The following COL6A6 variants were observed in gnomAD, a reference collection of about 807,000 sequenced individuals.
COL6A6 encodes the protein collagen type VI alpha 6 chain.
COL6A6 carries 183 observed loss-of-function variants against 208.6 expected under a neutral mutation model. The observed-to-expected ratio is 0.88, with a 90% CI of 0.78 to 0.99. COL6A6 has a LOEUF of 0.99. COL6A6 is among the 50% of genes least tolerant of loss of function. COL6A6 has a pLI of 0.00. For synonymous variants in COL6A6, 973 were observed against 1,011.8 expected (o/e 0.96, Z 0.73); for missense variants, 2,816 against 2,815.2 (o/e 1.00, Z -0.01).
At chr3:130,656,472 CCTT>C (rs914348574) in intron 33 of COL6A6, among the ~76,000 whole-genome samples, 10 of 152,122 alleles carry the variant, frequency 6.6e-5, no homozygotes, top group African/African-American at 2.4e-4. Flanking sequence ...CTGGTGGCCT[CCTT>C]GAGTCTGTCC....
At chr3:130,540,513 T>C (rs557498170) in intron 1 of COL6A6, among the ~76,000 whole-genome samples, 24 of 152,346 alleles carry the variant, frequency 1.6e-4, no homozygotes, top group African/African-American at 5.3e-4. Flanking sequence ...AAAAATTTAA[T>C]TAAGCTCCAG....
intron 24 of COL6A6, among the ~76,000 whole-genome samples, chr3:130,622,117 G>A (rs1344295884): frequency 6.6e-6 from 1 of 152,082 alleles, no homozygotes; most frequent in East Asian, 1.9e-4. Context: ...CCCTATTGGA[G>A]CTGAGGGATC....
chr3:130,593,641 G>GT (rs2108088890), intron 17 of COL6A6, among the ~76,000 whole-genome samples: 1 of 152,308 alleles, frequency 6.6e-6, no homozygotes, highest in East Asian at 1.9e-4. Flanking sequence ...ATCTCTTTCT[G>GT]TTGGCCAAAT....
At chr3:130,518,425 TA>T (rs1710867173) in intron 1 of COL6A6, among the ~76,000 whole-genome samples, 1 of 152,262 alleles carries the variant, frequency 6.6e-6, no homozygotes, top group Admixed American at 6.5e-5. Context: ...GTCACTTACA[TA>T]AAAATCCTGA....
At chr3:130,618,712 C>T (rs2064611830) in intron 23 of COL6A6, among the ~76,000 whole-genome samples, 1 of 152,194 alleles carries the variant, frequency 6.6e-6, no homozygotes, top group Non-Finnish European at 1.5e-5. Flanking sequence ...TTGCAAGATC[C>T]TGCATGGGAA....
At position 130,649,253 on chromosome 3, in the gene COL6A6, C is replaced by A. The variant is rs1013008709; in HGVS notation, c.5424C>A (p.His1808Gln). 6.3e-7 allele frequency: 1 copy of A among 1,596,890 alleles called. No individual in the cohort carries two copies. The highest frequency in any genetic ancestry group is 1.1e-5 in the South Asian group (1 of 87,862). ...TCGCCATCCTCTCCTATAACTCCCA[C>A]GCCAGGCACCTTGTGCGCTTCTCAG... is the stretch of plus-strand genomic sequence containing the variant. ...AHIAILSYNS[H>Q]ARHLVRFSDA... The change falls in exon 33 of 37, where the codon CAC (histidine) becomes CAA (glutamine). Residue 1808 changes from histidine (H) to glutamine (Q), a missense_variant. Transcript: ENST00000358511.
chr3:130,589,136 T>C lies in COL6A6; in HGVS notation c.4172T>C (p.Ile1391Thr), dbSNP rs927569747. Residue 1391 changes from isoleucine (I) to threonine (T), a missense_variant, in exon 12 of 37, where the codon ATT becomes ACT. Coordinates refer to ENST00000358511, the MANE Select transcript of COL6A6 (RefSeq NM_001102608.3). ...RTCCCLFCKCIGGDGTMGDPG... is the reference protein window; with the variant it reads ...RTCCCLFCKCTGGDGTMGDPG... Reference sequence around the variant, plus strand: ...TGCTGCTGTTTGTTCTGCAAGTGCATTGGAGGAGATGGCACAATGGGAGAT... The same window carrying C: ...TGCTGCTGTTTGTTCTGCAAGTGCACTGGAGGAGATGGCACAATGGGAGAT... 4.3e-6 allele frequency: 7 copies of C among 1,613,876 alleles called. No homozygotes were observed. In the Admixed American group the frequency reaches 5.0e-5, roughly 12 times the overall value.
At position 130,581,916 on chromosome 3, in the gene COL6A6, TTA is replaced by T. The variant is rs2063433233; in HGVS notation, c.3891+14_3891+15del. 1.2e-6 allele frequency: 2 copies of T among 1,600,136 alleles called. No individual in the cohort carries two copies. Among genetic ancestry groups the T allele is most frequent in the Non-Finnish European group, 1.7e-6 (2 of 1,170,676 alleles). On this transcript the variant is annotated intron_variant, in intron 9 of 36. Coordinates refer to ENST00000358511, the MANE Select transcript of COL6A6 (RefSeq NM_001102608.3). ...CTGCTCGAGGAAAGGTAACATGGAT[TTA>T]TCTTATTTGTTGGTCTATGATTGCA...
At position 130,560,399 on chromosome 3, in the gene COL6A6, G is replaced by T. The variant is rs775810205; in HGVS notation, c.35G>T (p.Cys12Phe). The change falls in exon 2 of 37, where the codon TGT becomes TTT. Residue 12 changes from cysteine (C) to phenylalanine (F), a missense_variant. Physicochemically the swap from Cys to Phe is radical, Grantham distance 205 (BLOSUM62 -2). Coordinates refer to ENST00000358511, the MANE Select transcript of COL6A6 (RefSeq NM_001102608.3). The stretch of plus-strand genomic sequence containing the variant: ...CTAATTTTGTTCCTCGTGATAATTT[G>T]TTCCCATATTTCTGTGAACCAAGAT... ...MLLILFLVIICSHISVNQDSG... is the reference protein window; with the variant it reads ...MLLILFLVIIFSHISVNQDSG... The T allele has an allele frequency of 6.2e-7, 1 of 1,611,646 alleles. No homozygotes were observed. Among genetic ancestry groups the T allele is most frequent in the South Asian group, 1.1e-5 (1 of 90,336 alleles).
chr3:130,552,772 T>C (rs1166078658), intron 1 of COL6A6, among the ~76,000 whole-genome samples: 1 of 152,176 alleles, frequency 6.6e-6, no homozygotes, highest in Non-Finnish European at 1.5e-5. Flanking sequence ...TGTGTTTTTG[T>C]GGTAGCCAGT....
At chr3:130,571,527 A>G (rs1251947850) in intron 7 of COL6A6, 134 bp downstream of exon 7, 6 of 616,510 alleles carry the variant, frequency 9.7e-6, no homozygotes, top group Admixed American at 7.1e-5. Flanking sequence ...AGGACTTTCT[A>G]TATTATAAAA....
In COL6A6 at chr3:130,675,293, G is replaced by C. The variant is rs57569308; in HGVS notation, c.6688G>C (p.Ala2230Pro). 6 of 1,591,068 alleles carry C rather than the reference G, an allele frequency of 3.8e-6. No homozygotes were observed. Among genetic ancestry groups the C allele is most frequent in the Middle Eastern group, 3.3e-4 (2 of 6,028 alleles). ...FQDKKYLSRVARSGRDDAIQN... is the reference protein window; with the variant it reads ...FQDKKYLSRVPRSGRDDAIQN... ...AGATAAAAAATATCTTTCAAGAGTA[G>C]CAAGAAGTGGCAGAGATGATGCTAT... The change falls in exon 37 of 37, where the codon GCA becomes CCA. Residue 2230 changes from alanine to proline, a missense_variant. Physicochemically the swap from Ala to Pro is conservative, Grantham distance 27 (BLOSUM62 -1). Transcript: ENST00000358511.
At chr3:130,613,843 A>G (rs971047064) in intron 23 of COL6A6, among the ~76,000 whole-genome samples, 1 of 152,090 alleles carries the variant, frequency 6.6e-6, no homozygotes, top group African/African-American at 2.4e-5. Context: ...TAGGAATGCT[A>G]CTGATTTTTG....
At chr3:130,608,790 T>TG (rs2064264759) in intron 21 of COL6A6, 112 bp from the exon 22 acceptor site, 1 of 194,976 alleles carries the variant, frequency 5.1e-6, no homozygotes, top group Non-Finnish European at 1.1e-5. Context: ...TTTTTTTTTT[T>TG]GCAAAGATCC....
chr3:130,563,400 C>T lies in COL6A6; in HGVS notation c.397C>T (p.Pro133Ser), dbSNP rs771838353. The stretch of plus-strand genomic sequence containing the variant: ...TGGGAGAGACAAGAAACAGTTTCCC[C>T]CAATTCTAGTGGTCCTGGCTTCATC... ...ANGRDKKQFPPILVVLASSES... is the reference protein window; with the variant it reads ...ANGRDKKQFPSILVVLASSES... The change falls in exon 3 of 37, where the codon CCA becomes TCA. Residue 133 changes from proline to serine, a missense_variant. Physicochemically the swap from Pro to Ser is moderately conservative, Grantham distance 74. Coordinates refer to ENST00000358511, the MANE Select transcript of COL6A6 (RefSeq NM_001102608.3). 6.2e-7 allele frequency: 1 copy of T among 1,613,988 alleles called. No homozygotes were observed. The highest frequency in any genetic ancestry group is 8.5e-7 in the Non-Finnish European group (1 of 1,179,898).
intron 26 of COL6A6, 150 bp from the exon 27 acceptor site, chr3:130,634,440 C>T: frequency 1.4e-6 from 1 of 694,040 alleles, no homozygotes; most frequent in Non-Finnish European, 2.6e-6. Context: ...TTCTCAAATA[C>T]TGCTATTTCA....
chr3:130,554,692 T>G (rs2062727639), intron 1 of COL6A6, among the ~76,000 whole-genome samples: 1 of 152,136 alleles, frequency 6.6e-6, no homozygotes, highest in South Asian at 2.1e-4. Flanking sequence ...GGTGTACACA[T>G]CCACCTGTGG....
intron 1 of COL6A6, among the ~76,000 whole-genome samples, chr3:130,532,857 G>A (rs1577619753): frequency 6.6e-6 from 1 of 152,238 alleles, no homozygotes; most frequent in East Asian, 1.9e-4. Context: ...GGCTGGGAGG[G>A]CTGGATCATC....
chr3:130,568,312 T>A lies in COL6A6; in HGVS notation c.2109T>A (p.Ser703Arg). 2 of 1,614,012 alleles carry A rather than the reference T, an allele frequency of 1.2e-6. No homozygotes were observed. The highest frequency in any genetic ancestry group is 1.7e-6 in the Non-Finnish European group (2 of 1,179,890). The change falls in exon 6 of 37, where the codon AGT becomes AGA. Residue 703 changes from serine to arginine, a missense_variant. By Grantham distance (110) the Ser-to-Arg change is moderately radical. Coordinates refer to ENST00000358511, the MANE Select transcript of COL6A6 (RefSeq NM_001102608.3). ...TTGGACAAACCACCCTGACTGGTAG[T>A]GCCCTGAGCTTTGTGTCTCAGTACT... is the stretch of plus-strand genomic sequence containing the variant. Reference protein sequence around the residue: ...AHIGQTTLTGSALSFVSQYFS... With the variant: ...AHIGQTTLTGRALSFVSQYFS...
Sources: allele counts gnomAD v4.1 joint callset (sites outside exome capture counted in the v4.1 genomes callset), GRCh38; gene constraint gnomAD v4.1.1; transcripts MANE v1.5; gene names NCBI Gene and HGNC (gene_info 2026-07-23, HGNC 2026-07-21).